SORBS2: variants seen among roughly 807,000 people sequenced by gnomAD.
The protein encoded by SORBS2 is sorbin and SH3 domain containing 2.
SORBS2 carries 46 observed loss-of-function variants against 97.7 expected under a neutral mutation model. The ratio of observed to expected loss-of-function variants is 0.47; its 90% CI spans 0.37 to 0.60. SORBS2 has a LOEUF of 0.60. Ranked by LOEUF, SORBS2 falls within the 20% of genes least tolerant of loss-of-function variation. SORBS2 has a pLI of 0.00. For synonymous variants in SORBS2, 476 were observed against 473.4 expected, an observed-to-expected ratio of 1.01 and a Z score of -0.07; for missense variants, 1,316 against 1,282.3, an observed-to-expected ratio of 1.03 and a Z score of -0.40.
intron 1 of SORBS2, among the ~76,000 whole-genome samples, chr4:185,893,042 C>T (rs969758102): frequency 2.6e-5 from 4 of 151,980 alleles, no homozygotes; most frequent in East Asian, 1.9e-4. Context: ...TTGAACACTC[C>T]GATTACTATT....
chr4:185,926,648 T>G (rs922208015), intron 1 of SORBS2, among the ~76,000 whole-genome samples: 1 of 152,124 alleles, frequency 6.6e-6, no homozygotes, highest in African/African-American at 2.4e-5. Context: ...GTTTATATTT[T>G]ATATTAGTAT....
At chr4:185,943,844 G>A (rs1489993077) in intron 1 of SORBS2, among the ~76,000 whole-genome samples, 2 of 152,144 alleles carry the variant, frequency 1.3e-5, no homozygotes. Flanking sequence ...TAGGAGTGAA[G>A]TACGTCATGA....
chr4:185,611,299 A>G (rs1028500832), intron 12 of SORBS2, among the ~76,000 whole-genome samples: 2 of 152,006 alleles, frequency 1.3e-5, no homozygotes, highest in Non-Finnish European at 2.9e-5. Context: ...CTATTTTGAG[A>G]TATACATAGT....
chr4:185,814,757 C>T (rs2153668976), intron 1 of SORBS2, among the ~76,000 whole-genome samples: 1 of 152,324 alleles, frequency 6.6e-6, no homozygotes, highest in South Asian at 2.1e-4. Context: ...CCCCTCTTTG[C>T]CCCGTGGCAC....
At chr4:185,771,216 C>G (rs953671551) in intron 2 of SORBS2, 1 of 151,606 alleles carries the variant, frequency 6.6e-6, no homozygotes. Flanking sequence ...GTCTTGAACT[C>G]CTGATCTCAA....
Position 185,646,797 on chromosome 4 carries a change from T to A in SORBS2, c.282-15A>T. The A allele has an allele frequency of 7.3e-7, 1 of 1,368,256 alleles. No homozygotes were observed. Among genetic ancestry groups the A allele is most frequent in the Non-Finnish European group, 1.0e-6 (1 of 955,706 alleles). The allele number at this position is 1,368,256 out of a possible 1,614,324, so 84.8% of individuals were successfully genotyped here. ...CCCAGTCATGCCTAGAAATAAACAA[T>A]AAATCACACATTAAAATAATCCTTT... On this transcript the variant is annotated splice_polypyrimidine_tract_variant and intron_variant, in intron 3 of 14. Transcript: ENST00000418609.
chr4:185,894,717 T>C (rs1243660395), intron 1 of SORBS2, among the ~76,000 whole-genome samples: 1 of 152,214 alleles, frequency 6.6e-6, no homozygotes, highest in Non-Finnish European at 1.5e-5. Flanking sequence ...CAGCTCAGCT[T>C]ATGCCAAAGA....
chr4:185,907,022 G>T (rs1006206665), intron 1 of SORBS2, among the ~76,000 whole-genome samples: 2 of 152,044 alleles, frequency 1.3e-5, no homozygotes, highest in South Asian at 2.1e-4. Flanking sequence ...TGTAATCCCA[G>T]CTACTCAGGA....
At chr4:185,678,197 C>T (rs4407549) in intron 4 of SORBS2, among the ~76,000 whole-genome samples, 139,277 of 152,296 alleles carry the variant, frequency 0.91, 63,681 homozygotes, top group Admixed American at 0.94. Flanking sequence ...TAAAAACCGA[C>T]ATACTTTGAT....
chr4:185,898,726 T>C lies in SORBS2; in HGVS notation c.-338+57470A>G, dbSNP rs573965643. Among the ~76,000 whole-genome samples, 3 of 152,266 alleles carry C rather than the reference T, an allele frequency of 2.0e-5. No homozygotes were observed. In the South Asian group the frequency reaches 6.2e-4, roughly 32 times the overall value. On this transcript the variant is annotated intron_variant, in intron 1 of 20. Coordinates refer to the SORBS2 transcript ENST00000284776. ...AATGCAGAGTGGTATGGAGAGGGCG[T>C]CAGTTTAGCAGGAGGTAATACCCAA...
At chr4:185,652,628 A>C in intron 2 of SORBS2, 34 bp downstream of exon 10, 1 of 1,567,680 alleles carries the variant, frequency 6.4e-7, no homozygotes, top group Non-Finnish European at 8.8e-7. Context: ...TCAACCCACA[A>C]GGACCTCATC....
At chr4:185,903,545 G>T (rs1457218207) in intron 1 of SORBS2, among the ~76,000 whole-genome samples, 4 of 152,098 alleles carry the variant, frequency 2.6e-5, no homozygotes, top group Non-Finnish European at 5.9e-5. Flanking sequence ...AAAAAGAGGG[G>T]TCCCTCTGAT....
intron 1 of SORBS2, among the ~76,000 whole-genome samples, chr4:185,863,708 G>A (rs914131986): frequency 2.0e-5 from 3 of 152,172 alleles, no homozygotes; most frequent in Non-Finnish European, 2.9e-5. Context: ...TGTAATTGGA[G>A]TGTGGACCTA....
At chr4:185,929,180 A>G (rs1342116130) in intron 1 of SORBS2, among the ~76,000 whole-genome samples, 1 of 152,204 alleles carries the variant, frequency 6.6e-6, no homozygotes, top group East Asian at 1.9e-4. Context: ...CGAGCTTGTT[A>G]CCACTGTGGG....
Position 185,767,978 on chromosome 4 carries a change from C to T in SORBS2, c.-198+7249G>A, listed in dbSNP as rs1264632221. Among the ~76,000 whole-genome samples the T allele has an allele frequency of 2.0e-5, 3 of 152,296 alleles. No individual in the cohort carries two copies. The East Asian group carries it at 5.8e-4, about 29-fold the overall frequency. On this transcript the variant is annotated intron_variant, in intron 2 of 20. Transcript: ENST00000284776. Reference sequence around the variant, plus strand: ...ATCTTTGCTGTCCATCACCTTCTGCCATTTGAATACCCTCTTATCCAAACC... The same window carrying T: ...ATCTTTGCTGTCCATCACCTTCTGCTATTTGAATACCCTCTTATCCAAACC...
intron 1 of SORBS2, among the ~76,000 whole-genome samples, chr4:185,950,106 G>T (rs746424715): frequency 2.8e-4 from 42 of 152,130 alleles, no homozygotes; most frequent in Non-Finnish European, 3.8e-4. Context: ...ACAAAAATTA[G>T]CTGGGCATGG....
intron 1 of SORBS2, among the ~76,000 whole-genome samples, chr4:185,897,246 C>G (rs1051295944): frequency 6.6e-6 from 1 of 152,196 alleles, no homozygotes; most frequent in Non-Finnish European, 1.5e-5. Context: ...GATAAAGACA[C>G]TCTCTGACCC....
At chr4:185,719,854 G>A (rs1025417539) in intron 2 of SORBS2, among the ~76,000 whole-genome samples, 13 of 152,216 alleles carry the variant, frequency 8.5e-5, no homozygotes, top group African/African-American at 3.1e-4. Context: ...CTTGCACCCA[G>A]TCCCTCTTCT....
intron 2 of SORBS2, among the ~76,000 whole-genome samples, chr4:185,721,540 G>A (rs904791954): frequency 6.6e-6 from 1 of 152,154 alleles, no homozygotes; most frequent in African/African-American, 2.4e-5. Context: ...AGCAGCCCAA[G>A]AAAGTCAGAG....
Sources: allele counts gnomAD v4.1 joint callset (sites outside exome capture counted in the v4.1 genomes callset), GRCh38; gene constraint gnomAD v4.1.1; transcripts MANE v1.5; gene names NCBI Gene and HGNC (gene_info 2026-07-23, HGNC 2026-07-21).